Variants in TSPAN19 observed in about 807,000 individuals in gnomAD.
The protein encoded by TSPAN19 is tetraspanin-19.
A neutral mutation model predicts 35.1 loss-of-function variants in TSPAN19; 44 were observed. The observed-to-expected ratio is 1.25, with a 90% CI of 0.98 to 1.61. TSPAN19 has a LOEUF of 1.61. Ranked by LOEUF, TSPAN19 falls within the 40% of genes most tolerant of loss-of-function variation. TSPAN19 has a pLI of 0.00. For missense variants in TSPAN19, 290 were observed against 280.0 expected (o/e 1.04, Z -0.26); for synonymous variants, 79 against 92.0 (o/e 0.86, Z 0.81).
At chr12:85,022,149 T>C (rs1321147388) in intron 5 of TSPAN19, among the ~76,000 whole-genome samples, 1 of 152,044 alleles carries the variant, frequency 6.6e-6, no homozygotes, top group African/African-American at 2.4e-5. Flanking sequence ...TTTGGTGTTT[T>C]GCCAGCAAAG....
Position 85,023,524 on chromosome 12 carries a change from G to T in TSPAN19, c.265-124C>A, listed in dbSNP as rs12578769. On this transcript the variant is annotated intron_variant, in intron 4 of 8. Transcript: ENST00000532498. The stretch of plus-strand genomic sequence containing the variant: ...ATAAAGTATATATGGGTATTGCTGA[G>T]GCTTCCTGCCTTCACAAATATGAAT... The T allele has an allele frequency of 1.4e-5, 9 of 641,082 alleles. No individual in the cohort carries two copies. In the East Asian group the frequency reaches 1.5e-4, roughly 11 times the overall value. The allele number at this position is 641,082 out of a possible 1,614,324, so 39.7% of individuals were successfully genotyped here. A position where few individuals can be genotyped will look rare whatever the true frequency, so the allele number is the denominator to read the frequency against.
chr12:85,021,829 A>T (rs1369569434), intron 5 of TSPAN19, among the ~76,000 whole-genome samples: 1 of 152,108 alleles, frequency 6.6e-6, no homozygotes, highest in East Asian at 1.9e-4. Flanking sequence ...TTTGGCCATG[A>T]AATACTTTAA....
At chr12:85,022,968 C>T (rs567116415) in intron 5 of TSPAN19, among the ~76,000 whole-genome samples, 1 of 152,064 alleles carries the variant, frequency 6.6e-6, no homozygotes, top group African/African-American at 2.4e-5. Context: ...TGTTTCTTTG[C>T]AAAAACATAA....
chr12:85,021,688 A>T (rs1014884077), intron 5 of TSPAN19, among the ~76,000 whole-genome samples: 38 of 152,112 alleles, frequency 2.5e-4, no homozygotes, highest in African/African-American at 8.7e-4. Flanking sequence ...TGAGTTAGGT[A>T]CTGTAAATGG....
chr12:85,025,018 GA>G (rs1436667607), intron 4 of TSPAN19, among the ~76,000 whole-genome samples: 1 of 151,806 alleles, frequency 6.6e-6, no homozygotes, highest in Non-Finnish European at 1.5e-5. Flanking sequence ...AAAAAATTCA[GA>G]GACAAAAATG....
chr12:85,018,566 T>C (rs1031190856), intron 6 of TSPAN19, among the ~76,000 whole-genome samples: 12 of 151,930 alleles, frequency 7.9e-5, no homozygotes, highest in African/African-American at 2.4e-4. Context: ...GAAAATACAA[T>C]ACATGTACGG....
chr12:85,035,978 T>C (rs529239801), intron 1 of TSPAN19, among the ~76,000 whole-genome samples: 2 of 152,276 alleles, frequency 1.3e-5, no homozygotes, highest in Middle Eastern at 6.8e-3. Context: ...AAACAACTTA[T>C]TGACTTCTCT....
At chr12:85,018,984 A>G (rs1876969461) in intron 6 of TSPAN19, among the ~76,000 whole-genome samples, 1 of 151,896 alleles carries the variant, frequency 6.6e-6, no homozygotes, top group Non-Finnish European at 1.5e-5. Context: ...TAAACCATTT[A>G]GCCGACAATA....
At chr12:85,025,103 A>G (rs1413956239) in intron 4 of TSPAN19, among the ~76,000 whole-genome samples, 2 of 152,028 alleles carry the variant, frequency 1.3e-5, no homozygotes, top group African/African-American at 4.8e-5. Flanking sequence ...TTATACTAAT[A>G]AGGGATTGGT....
At chr12:85,021,867 T>C (rs977052015) in intron 5 of TSPAN19, among the ~76,000 whole-genome samples, 1 of 152,060 alleles carries the variant, frequency 6.6e-6, no homozygotes, top group Non-Finnish European at 1.5e-5. Flanking sequence ...AAAGCCTCAG[T>C]TTTCTCTTCT....
chr12:85,022,225 G>A (rs1278719719), intron 5 of TSPAN19, among the ~76,000 whole-genome samples: 7 of 149,916 alleles, frequency 4.7e-5, no homozygotes, highest in East Asian at 1.9e-4. Context: ...ACAAACACAC[G>A]CACACACACA....
chr12:85,017,870 G>T (rs1341398227), intron 6 of TSPAN19, among the ~76,000 whole-genome samples: 1 of 151,814 alleles, frequency 6.6e-6, no homozygotes, highest in East Asian at 1.9e-4. Context: ...CAGGATAGAA[G>T]ATATACTTGA....
In TSPAN19 at chr12:85,014,455, T is replaced by A; in HGVS notation, c.*32A>T. On this transcript the variant is annotated 3_prime_UTR_variant, in exon 9 of 9. Coordinates refer to ENST00000532498, the MANE Select transcript of TSPAN19 (RefSeq NM_001100917.2). ...ATAATGTGATTTTTTAAGAATTAAC[T>A]GGTTTCTTCTGAACAAATTGAAATC... is the stretch of plus-strand genomic sequence containing the variant. 10 of 1,472,926 alleles carry A rather than the reference T, an allele frequency of 6.8e-6. No individual in the cohort carries two copies. The highest frequency in any genetic ancestry group is 9.3e-6 in the Non-Finnish European group (10 of 1,070,726). The allele number at this position is 1,472,926 out of a possible 1,614,324, so 91.2% of individuals were successfully genotyped here. A position where few individuals can be genotyped will look rare whatever the true frequency, so the allele number is the denominator to read the frequency against.
chr12:85,025,137 AC>A (rs1275987384), intron 4 of TSPAN19, among the ~76,000 whole-genome samples: 9 of 150,504 alleles, frequency 6.0e-5, no homozygotes, highest in African/African-American at 2.2e-4. Context: ...ATTATATGAA[AC>A]CTTTTTTTTT....
In TSPAN19 at chr12:85,015,979, AAAG is replaced by A; in HGVS notation, c.595-11_595-9del. On this transcript the variant is annotated splice_polypyrimidine_tract_variant and intron_variant, in intron 7 of 8. Transcript: ENST00000532498. ...GATTTTATTTTCACAACCCTAAGAA[AAAG>A]AAGTTATTCAGATGGACATGGAGAT... 6.7e-7 allele frequency: 1 copy of A among 1,501,646 alleles called. No homozygotes were observed. The highest frequency in any genetic ancestry group is 9.0e-7 in the Non-Finnish European group (1 of 1,112,926). 93.0% of individuals were successfully genotyped at this position (1,501,646 alleles called of 1,614,324 possible).
At chr12:85,017,198 A>C (rs772575031) in intron 7 of TSPAN19, 5 of 354,180 alleles carry the variant, frequency 1.4e-5, no homozygotes, top group Non-Finnish European at 2.5e-5. Context: ...GCTGGGGAGA[A>C]AGACTGATGA....
chr12:85,023,779 T>C (rs560803231), intron 4 of TSPAN19, among the ~76,000 whole-genome samples: 3 of 152,308 alleles, frequency 2.0e-5, no homozygotes, highest in African/African-American at 4.8e-5. Context: ...TTTAAACTTA[T>C]GCAGAAAGTA....
intron 4 of TSPAN19, among the ~76,000 whole-genome samples, chr12:85,026,570 T>G (rs1877425427): frequency 6.6e-6 from 1 of 152,034 alleles, no homozygotes; most frequent in Non-Finnish European, 1.5e-5. Flanking sequence ...CAGGGTAATA[T>G]TCAAATAGTA....
intron 1 of TSPAN19, among the ~76,000 whole-genome samples, chr12:85,033,832 G>C (rs760529066): frequency 6.6e-6 from 1 of 152,118 alleles, no homozygotes; most frequent in African/African-American, 2.4e-5. Context: ...ATGCCTCAAA[G>C]AGATGTTGTG....
Sources: gnomAD v4.1 joint callset for allele counts (sites outside exome capture counted in the v4.1 genomes callset) on GRCh38, gnomAD v4.1.1 for gene constraint, MANE v1.5 for transcripts, NCBI Gene and HGNC (gene_info 2026-07-23, HGNC 2026-07-21) for gene names.